ATF6: variants seen among roughly 807,000 people sequenced by gnomAD.
ATF6 encodes the protein cyclic AMP-dependent transcription factor ATF-6 alpha.
ATF6 carries 53 observed loss-of-function variants against 83.6 expected under a neutral mutation model. The ratio of observed to expected loss-of-function variants is 0.63; its 90% CI spans 0.51 to 0.80. The LOEUF is 0.80. Ranked by LOEUF, ATF6 falls within the 30% of genes least tolerant of loss-of-function variation. ATF6 has a pLI of 0.00. For missense variants in ATF6, 744 were observed against 797.9 expected (o/e 0.93, Z 0.81); for synonymous variants, 288 against 285.8 (o/e 1.01, Z -0.08).
intron 14 of ATF6, among the ~76,000 whole-genome samples, chr1:161,897,128 TA>T (rs905723773): frequency 1.3e-5 from 2 of 152,154 alleles, no homozygotes; most frequent in Admixed American, 1.3e-4. Context: ...ATAATATTTT[TA>T]CTGAATTAAA....
At chr1:161,912,834 A>G (rs1207135091) in intron 15 of ATF6, among the ~76,000 whole-genome samples, 1 of 152,190 alleles carries the variant, frequency 6.6e-6, no homozygotes, top group Non-Finnish European at 1.5e-5. Flanking sequence ...CACTGATAGT[A>G]TTACTATTGC....
chr1:161,932,546 A>C (rs968424411), intron 15 of ATF6, among the ~76,000 whole-genome samples: 1 of 152,258 alleles, frequency 6.6e-6, no homozygotes. Flanking sequence ...AGACCATTTT[A>C]AATGTCTTTT....
At chr1:161,766,544 C>A in intron 1 of ATF6, 102 bp downstream of exon 1, 1 of 1,055,596 alleles carries the variant, frequency 9.5e-7, no homozygotes, top group South Asian at 1.5e-5. Context: ...TGGACCAACC[C>A]TGCCTGGGGA....
intron 9 of ATF6, among the ~76,000 whole-genome samples, chr1:161,830,144 T>A (rs1175116351): frequency 6.6e-6 from 1 of 152,194 alleles, no homozygotes; most frequent in East Asian, 1.9e-4. Context: ...AGCATTCTTA[T>A]ACACCAATAG....
intron 14 of ATF6, among the ~76,000 whole-genome samples, chr1:161,899,062 A>G (rs762200269): frequency 3.9e-5 from 6 of 152,234 alleles, no homozygotes; most frequent in Non-Finnish European, 5.9e-5. Context: ...AACAGAGGAT[A>G]TATGTGGATA....
At chr1:161,934,089 G>A (rs1688487325) in intron 15 of ATF6, among the ~76,000 whole-genome samples, 1 of 152,178 alleles carries the variant, frequency 6.6e-6, no homozygotes. Flanking sequence ...ATTAGACATG[G>A]ATGAGTGGGG....
intron 3 of ATF6, 124 bp downstream of exon 3, chr1:161,782,123 G>A: frequency 1.6e-6 from 1 of 620,398 alleles, no homozygotes; most frequent in Non-Finnish European, 2.7e-6. Context: ...CTGGTGTTAT[G>A]CATTCTACTT....
At chr1:161,824,888 C>T (rs1002995172) in intron 9 of ATF6, among the ~76,000 whole-genome samples, 3 of 151,950 alleles carry the variant, frequency 2.0e-5, no homozygotes, top group African/African-American at 7.3e-5. Flanking sequence ...GATATGTAAA[C>T]AACTGTTGTA....
At chr1:161,926,521 G>A (rs1688313257) in intron 15 of ATF6, among the ~76,000 whole-genome samples, 1 of 152,184 alleles carries the variant, frequency 6.6e-6, no homozygotes, top group Non-Finnish European at 1.5e-5. Context: ...TTCCGTAAGA[G>A]TGAGAAAGCA....
At chr1:161,806,426 GA>G in intron 7 of ATF6, among the ~76,000 whole-genome samples, 1 of 152,262 alleles carries the variant, frequency 6.6e-6, no homozygotes, top group South Asian at 2.1e-4. Flanking sequence ...CAAAAGACCA[GA>G]AAAACAAGTG....
intron 15 of ATF6, among the ~76,000 whole-genome samples, chr1:161,943,095 C>G (rs1688682263): frequency 6.6e-6 from 1 of 152,158 alleles, no homozygotes; most frequent in African/African-American, 2.4e-5. Context: ...ACCTCGTGAT[C>G]CGCCCACCTC....
chr1:161,798,876 G>A (rs1277578090), intron 6 of ATF6, among the ~76,000 whole-genome samples: 1 of 152,188 alleles, frequency 6.6e-6, no homozygotes, highest in Non-Finnish European at 1.5e-5. Flanking sequence ...TTAGAGAAAT[G>A]TAAATCAAAA....
chr1:161,781,855 T>A, intron 2 of ATF6, 57 bp from the exon 3 acceptor site: 3 of 1,192,498 alleles, frequency 2.5e-6, no homozygotes, highest in Non-Finnish European at 3.6e-6. Context: ...ACAGTTTGAT[T>A]TTAAGATGTG....
intron 7 of ATF6, among the ~76,000 whole-genome samples, chr1:161,810,733 A>G (rs944445410): frequency 1.3e-5 from 2 of 152,182 alleles, no homozygotes; most frequent in African/African-American, 4.8e-5. Flanking sequence ...CACCCTAAAA[A>G]GAAAACCCCA....
intron 10 of ATF6, among the ~76,000 whole-genome samples, chr1:161,851,016 T>C (rs888347240): frequency 2.6e-5 from 4 of 152,150 alleles, no homozygotes; most frequent in Admixed American, 6.5e-5. Context: ...AACTAGTTAA[T>C]GTCAGTCACT....
intron 6 of ATF6, among the ~76,000 whole-genome samples, chr1:161,801,660 G>A (rs1685152195): frequency 6.6e-6 from 1 of 151,974 alleles, no homozygotes; most frequent in South Asian, 2.1e-4. Flanking sequence ...TATTAATTTA[G>A]AATACATGAC....
intron 15 of ATF6, among the ~76,000 whole-genome samples, chr1:161,930,890 ATT>A (rs199715828): frequency 3.8e-4 from 56 of 146,432 alleles, no homozygotes; most frequent in African/African-American, 1.4e-3. Context: ...GGTTCGTAGA[ATT>A]TTTTTTTTTT....
At chr1:161,858,823 C>T (rs145824023) in intron 12 of ATF6, among the ~76,000 whole-genome samples, 90 of 152,236 alleles carry the variant, frequency 5.9e-4, no homozygotes, top group Middle Eastern at 3.4e-3. Context: ...GATAGGTAAA[C>T]GGAATATCTG....
intron 4 of ATF6, among the ~76,000 whole-genome samples, chr1:161,788,860 T>C (rs1299234600): frequency 3.3e-5 from 5 of 152,212 alleles, no homozygotes; most frequent in Non-Finnish European, 5.9e-5. Context: ...CTCTGTTTAC[T>C]GAAATCTTTT....
Sources: allele counts gnomAD v4.1 joint callset (sites outside exome capture counted in the v4.1 genomes callset), GRCh38; gene constraint gnomAD v4.1.1; transcripts MANE v1.5; gene names NCBI Gene and HGNC (gene_info 2026-07-23, HGNC 2026-07-21).